CNTNAP2: variants seen among roughly 807,000 people sequenced by gnomAD.
CNTNAP2 encodes contactin associated protein 2.
Under a neutral mutation model 155.2 loss-of-function variants are expected in CNTNAP2, and 98 were observed. The observed-to-expected ratio is 0.63, with a 90% CI of 0.54 to 0.75. CNTNAP2 has a LOEUF of 0.75. Ranked by LOEUF, CNTNAP2 falls within the 30% of genes least tolerant of loss-of-function variation. The probability of loss-of-function intolerance (pLI) is 0.00; values close to 1 mark genes in which losing one functional copy is unlikely to be tolerated. For missense variants in CNTNAP2, 1,727 were observed against 1,688.1 expected, an observed-to-expected ratio of 1.02 and a Z score of -0.40; for synonymous variants, 651 against 631.2, an observed-to-expected ratio of 1.03 and a Z score of -0.47.
chr7:147,078,799 G>T (rs1800050656), intron 4 of CNTNAP2, among the ~76,000 whole-genome samples: 1 of 151,464 alleles, frequency 6.6e-6, no homozygotes, highest in Non-Finnish European at 1.5e-5. Context: ...CCCCAGGCTG[G>T]AGTGCAGTGG....
At chr7:147,737,372 G>A (rs1281847631) in intron 13 of CNTNAP2, among the ~76,000 whole-genome samples, 10 of 152,258 alleles carry the variant, frequency 6.6e-5, no homozygotes, top group South Asian at 6.2e-4. Context: ...CTGCCTGATC[G>A]TTCCTCTGGA....
At chr7:147,718,818 G>A (rs762835886) in intron 13 of CNTNAP2, among the ~76,000 whole-genome samples, 6 of 152,070 alleles carry the variant, frequency 3.9e-5, no homozygotes, top group African/African-American at 7.2e-5. Context: ...ATGTAATAAT[G>A]GCTTAATCTA....
intron 20 of CNTNAP2, among the ~76,000 whole-genome samples, chr7:148,248,220 A>G (rs1265405239): frequency 6.7e-6 from 1 of 149,762 alleles, no homozygotes. Context: ...TTTTTTTGAG[A>G]CAGAGTCCCG....
intron 8 of CNTNAP2, among the ~76,000 whole-genome samples, chr7:147,221,999 C>A (rs1350632335): frequency 6.6e-6 from 1 of 152,134 alleles, no homozygotes; most frequent in Non-Finnish European, 1.5e-5. Flanking sequence ...CACCCACCCC[C>A]TCTCTGGCTT....
At chr7:146,449,267 G>A (rs931074987) in intron 1 of CNTNAP2, among the ~76,000 whole-genome samples, 5 of 151,864 alleles carry the variant, frequency 3.3e-5, no homozygotes, top group African/African-American at 9.7e-5. Flanking sequence ...TTTTATGATG[G>A]CTGCTTTAAA....
chr7:148,251,678 T>A (rs2116816662), intron 20 of CNTNAP2, among the ~76,000 whole-genome samples: 1 of 152,304 alleles, frequency 6.6e-6, no homozygotes, highest in East Asian at 1.9e-4. Flanking sequence ...TCATCACTGC[T>A]CTTCTAGCTA....
intron 9 of CNTNAP2, chr7:147,378,086 C>T (rs1399576582): frequency 4.3e-6 from 2 of 462,328 alleles, no homozygotes; most frequent in Non-Finnish European, 8.9e-6. Context: ...GCAAAAACCA[C>T]TATTACTTTT....
rs568165734 is a variant in CNTNAP2 at position 146,203,602 on chromosome 7, T to A, written c.97+86629T>A. On this transcript the variant is annotated intron_variant, in intron 1 of 23. Transcript: ENST00000361727. ...TTACAGAGTTTTCATTACAAAGGCA[T>A]GATTGACTAAATCACTGGCCATTGC... is the stretch of plus-strand genomic sequence containing the variant. Among the ~76,000 whole-genome samples the A allele has an allele frequency of 4.6e-5, 7 of 152,218 alleles. No individual in the cohort carries two copies. The East Asian group carries it at 7.8e-4, about 17-fold the overall frequency.
intron 13 of CNTNAP2, among the ~76,000 whole-genome samples, chr7:147,830,611 A>G (rs1563103854): frequency 6.6e-6 from 1 of 152,226 alleles, no homozygotes; most frequent in Non-Finnish European, 1.5e-5. Context: ...AAAGCAGGAA[A>G]TAGAAGGAAC....
Position 148,061,930 on chromosome 7 carries a change from T to TAAAC in CNTNAP2, c.2384-56187_2384-56186insAACA, listed in dbSNP as rs1563185343. 2.6e-3 allele frequency among the ~76,000 whole-genome samples: 351 copies of TAAAC among 137,316 alleles called. 24 individuals are homozygous for TAAAC. Among genetic ancestry groups the TAAAC allele is most frequent in the African/African-American group, 8.8e-3 (308 of 34,960 alleles). The allele number at this position is 137,316 out of a possible 152,430, so 90.1% of individuals were successfully genotyped here. A position where few individuals can be genotyped will look rare whatever the true frequency, so the allele number is the denominator to read the frequency against. On this transcript the variant is annotated intron_variant, in intron 15 of 23. Transcript: ENST00000361727. ...AGATAGATAAACAGATATAGATAGATAGATAGATAGATAGATAAACAGATA... is the reference window on the plus strand; with the variant it reads ...AGATAGATAAACAGATATAGATAGATAAACAGATAGATAGATAGATAAACAGATA...
intron 10 of CNTNAP2, among the ~76,000 whole-genome samples, chr7:147,458,806 A>G (rs1018670918): frequency 1.3e-5 from 2 of 152,260 alleles, no homozygotes; most frequent in African/African-American, 4.8e-5. Flanking sequence ...TTTTACGAAC[A>G]TAAATTTTTC....
At chr7:148,215,938 C>A (rs1202759811) in intron 18 of CNTNAP2, among the ~76,000 whole-genome samples, 1 of 152,196 alleles carries the variant, frequency 6.6e-6, no homozygotes, top group Non-Finnish European at 1.5e-5. Context: ...TTAATTATAA[C>A]GTAGAGCAGT....
At chr7:147,951,300 GA>G (rs1800926660) in intron 14 of CNTNAP2, among the ~76,000 whole-genome samples, 1 of 152,154 alleles carries the variant, frequency 6.6e-6, no homozygotes. Context: ...AGTACAGAAA[GA>G]AAAATTTACA....
rs1805215350 is a variant in CNTNAP2, at chr7:148,147,673, C to A, written c.2737C>A (p.His913Asn). 1 of 1,613,736 alleles carries A rather than the reference C, an allele frequency of 6.2e-7. No individual in the cohort carries two copies. The highest frequency in any genetic ancestry group is 1.1e-5 in the South Asian group (1 of 91,070). Residue 913 changes from histidine to asparagine, a missense_variant, in exon 17 of 24, where the codon CAC becomes AAC. His to Asn is a moderately conservative substitution (Grantham distance 68). Coordinates refer to ENST00000361727, the MANE Select transcript of CNTNAP2 (RefSeq NM_014141.6). ...GATCCGCAAGGCCCCAACAGAAGGC[C>A]ACACCCGCCTGGAGCTCTACAGCCA... Reference protein sequence around the residue: ...QQIRKAPTEGHTRLELYSQLF... With the variant: ...QQIRKAPTEGNTRLELYSQLF...
chr7:146,797,164 G>T (rs1802785733), intron 2 of CNTNAP2, among the ~76,000 whole-genome samples: 3 of 152,088 alleles, frequency 2.0e-5, no homozygotes. Flanking sequence ...AATTATACAT[G>T]ATTTTGATTG....
intron 11 of CNTNAP2, among the ~76,000 whole-genome samples, chr7:147,486,889 C>CTGTGTGTGTGTGTGTATGTG (rs1798519374): frequency 9.5e-5 from 14 of 146,842 alleles, no homozygotes. Flanking sequence ...ACGTATGTGC[C>CTGTGTGTGTGTGTGTATGTG]TGTGTGTGTG....
rs760868722 is a variant in CNTNAP2 at position 147,132,349 on chromosome 7, A to C, written c.1188A>C (p.Ser396=). 6 of 1,613,678 alleles carry C rather than the reference A, an allele frequency of 3.7e-6. No homozygotes were observed. Among genetic ancestry groups the C allele is most frequent in the South Asian group, 1.1e-5 (1 of 91,086 alleles). ...GACGGCTTAACCAGGACCTGTTCTC[A>C]GTCAGTTTCCAGTTTAGGACATGGA... ...VPGRLNQDLF[S]VSFQFRTWNP... The change falls in exon 8 of 24, where the codon TCA becomes TCC. Residue 396 remains serine (S), a synonymous_variant. Transcript: ENST00000361727.
chr7:147,756,230 C>G lies in CNTNAP2; in HGVS notation c.2098+116924C>G, dbSNP rs141287273. ...TATTGAGCTTGATATAAAGGCAAAC[C>G]TGTCTAAACATATGGAATTCTTTTG... On this transcript the variant is annotated intron_variant, in intron 13 of 23. Transcript: ENST00000361727. Among the ~76,000 whole-genome samples, 131 of 152,284 alleles carry G rather than the reference C, an allele frequency of 8.6e-4. 1 individual carries two copies. Among genetic ancestry groups the G allele is most frequent in the African/African-American group, 3.1e-3 (129 of 41,568 alleles).
At chr7:147,826,444 C>CTCAA (rs1279947521) in intron 13 of CNTNAP2, among the ~76,000 whole-genome samples, 1 of 152,098 alleles carries the variant, frequency 6.6e-6, no homozygotes, top group Non-Finnish European at 1.5e-5. Flanking sequence ...TGGCTTATGT[C>CTCAA]TCAATCAATC....
Sources: allele counts gnomAD v4.1 joint callset (sites outside exome capture counted in the v4.1 genomes callset), GRCh38; gene constraint gnomAD v4.1.1; transcripts MANE v1.5; gene names NCBI Gene and HGNC (gene_info 2026-07-23, HGNC 2026-07-21).